FOSL2: variants seen among roughly 807,000 people sequenced by gnomAD.
The protein encoded by FOSL2 is fos-related antigen 2.
FOSL2 carries 3 observed loss-of-function variants against 27.7 expected under a neutral mutation model. The observed-to-expected ratio is 0.11, with a 90% CI of 0.05 to 0.28. The LOEUF (loss-of-function observed/expected upper bound fraction) is 0.28. Ranked by LOEUF, FOSL2 falls within the 10% of genes least tolerant of loss-of-function variation. FOSL2 has a pLI of 1.00. For missense variants in FOSL2, 333 were observed against 445.1 expected (o/e 0.75, Z 2.27); for synonymous variants, 179 against 190.1 (o/e 0.94, Z 0.48).
At chr2:28,411,177 G>A (rs571471723) in intron 3 of FOSL2, among the ~76,000 whole-genome samples, 46 of 151,986 alleles carry the variant, frequency 3.0e-4, no homozygotes, top group African/African-American at 1.1e-3. Context: ...AGAAATTGGA[G>A]TGAAAAAAGG....
At chr2:28,409,452 C>T (rs908195053) in intron 3 of FOSL2, among the ~76,000 whole-genome samples, 3 of 152,330 alleles carry the variant, frequency 2.0e-5, no homozygotes, top group Admixed American at 6.5e-5. Flanking sequence ...CATGGTACCG[C>T]GTGCTGCTCT....
intron 3 of FOSL2, among the ~76,000 whole-genome samples, chr2:28,409,818 G>A (rs1452480082): frequency 6.6e-6 from 1 of 152,182 alleles, no homozygotes; most frequent in African/African-American, 2.4e-5. Flanking sequence ...TCAGCTCACT[G>A]CAACCTCTGC....
chr2:28,392,958 G>A lies in FOSL2; in HGVS notation c.-763G>A. On this transcript the variant is annotated 5_prime_UTR_variant, in exon 1 of 4. Transcript: ENST00000264716. ...GGACAGAAAGAGGGAGAGAGAGAGA[G>A]AGAGAGAGGGAGAGGCGCGGCCGGG... 1.4e-6 allele frequency: 1 copy of A among 693,440 alleles called. No individual in the cohort carries two copies. The highest frequency in any genetic ancestry group is 1.5e-5 in the South Asian group (1 of 66,236). 43.0% of individuals were successfully genotyped at this position (693,440 alleles called of 1,614,324 possible). A position where few individuals can be genotyped will look rare whatever the true frequency, so the allele number is the denominator to read the frequency against.
rs1663710749 is a variant in FOSL2, at chr2:28,393,118, G to A, written c.-603G>A. ...GAGCCGCTGTCCCCCTGGCGCGCTC[G>A]GGGCCGCGGGACGGGCGCACGCCGC... On this transcript the variant is annotated 5_prime_UTR_variant, in exon 1 of 4. Coordinates refer to ENST00000264716, the MANE Select transcript of FOSL2 (RefSeq NM_005253.4). The surrounding 1 kb of genome is among the most constrained non-coding windows in gnomAD (Gnocchi z 4.6). The A allele has an allele frequency of 2.8e-6, 1 of 361,862 alleles. No homozygotes were observed. The highest frequency in any genetic ancestry group is 4.9e-5 in the Admixed American group (1 of 20,354). The allele number at this position is 361,862 out of a possible 1,614,324, so 22.4% of individuals were successfully genotyped here.
intron 1 of FOSL2, among the ~76,000 whole-genome samples, chr2:28,397,719 CCCTT>C (rs1488080323): frequency 1.3e-5 from 2 of 152,150 alleles, no homozygotes; most frequent in Non-Finnish European, 2.9e-5. Context: ...CACTGTCATC[CCCTT>C]CCTTGTTTTT....
In FOSL2 at chr2:28,393,897, CTTTCT is replaced by C; in HGVS notation, c.102+84_102+88del. Reference sequence around the variant, plus strand: ...CTTCTCGCCGCCACTGCCTCTTTTGCTTTCTTTTCTTTTTCTTGGCGAGAAAATAC... The same window carrying C: ...CTTCTCGCCGCCACTGCCTCTTTTGCTTTCTTTTTCTTGGCGAGAAAATAC... On this transcript the variant is annotated intron_variant, in intron 1 of 3. Coordinates refer to ENST00000264716, the MANE Select transcript of FOSL2 (RefSeq NM_005253.4). This position sits in a 1 kb window ranked among gnomAD's most constrained non-coding sequence, Gnocchi z 4.6. The C allele has an allele frequency of 9.9e-7, 1 of 1,006,600 alleles. No homozygotes were observed. The allele number at this position is 1,006,600 out of a possible 1,614,324, so 62.4% of individuals were successfully genotyped here.
chr2:28,407,964 G>A (rs920124245), intron 2 of FOSL2, among the ~76,000 whole-genome samples: 7 of 152,176 alleles, frequency 4.6e-5, no homozygotes, highest in South Asian at 2.1e-4. Context: ...TGTTTGGTTC[G>A]CAGATAAATC....
At position 28,412,304 on chromosome 2, in the gene FOSL2, C is replaced by T. The variant is rs144151205; in HGVS notation, c.837C>T (p.Asn279=). The change falls in exon 4 of 4, where the codon AAC becomes AAT. Residue 279 remains asparagine, a synonymous_variant. Transcript: ENST00000264716. The surrounding 1 kb of genome is among the most constrained non-coding windows in gnomAD (Gnocchi z 7.1). ...STPAVTPGTS[N]LVFTYPSVLE... is the part of the protein sequence containing the mutation. The stretch of plus-strand genomic sequence containing the variant: ...CTGCTGTCACTCCGGGCACCTCGAA[C>T]CTCGTCTTCACCTATCCTAGCGTCC... 5.4e-5 allele frequency: 87 copies of T among 1,614,022 alleles called. No homozygotes were observed. Among genetic ancestry groups the T allele is most frequent in the Non-Finnish European group, 7.1e-5 (84 of 1,180,030 alleles).
Position 28,393,510 on chromosome 2 carries a change from A to G in FOSL2, c.-211A>G, listed in dbSNP as rs1335347624. ...CGCGGCGCTCGCAGAGCCGGAAAGA[A>G]GTGCTGTAAGGGACGCTCGGGGGAC... On this transcript the variant is annotated 5_prime_UTR_variant, in exon 1 of 4. Transcript: ENST00000264716. This position sits in a 1 kb window ranked among gnomAD's most constrained non-coding sequence, Gnocchi z 4.6. The G allele has an allele frequency of 3.8e-6, 2 of 522,176 alleles. No individual in the cohort carries two copies. Among genetic ancestry groups the G allele is most frequent in the Non-Finnish European group, 3.4e-6 (1 of 292,602 alleles). The allele number at this position is 522,176 out of a possible 1,614,324, so 32.3% of individuals were successfully genotyped here.
chr2:28,409,476 C>T (rs1040774732), intron 3 of FOSL2, among the ~76,000 whole-genome samples: 1 of 152,198 alleles, frequency 6.6e-6, no homozygotes, highest in Admixed American at 6.5e-5. Flanking sequence ...GAGTCACTCT[C>T]CCGTGCCGCC....
chr2:28,404,304 T>A lies in FOSL2; in HGVS notation c.300T>A (p.Pro100=). The A allele has an allele frequency of 6.2e-7, 1 of 1,614,130 alleles. No homozygotes were observed. Among genetic ancestry groups the A allele is most frequent in the Non-Finnish European group, 8.5e-7 (1 of 1,180,018 alleles). The change falls in exon 2 of 4, where the codon CCT becomes CCA. Residue 100 remains proline (P), a synonymous_variant. Transcript: ENST00000264716. This position sits in a 1 kb window ranked among gnomAD's most constrained non-coding sequence, Gnocchi z 4.7. ...SVPGHMALPR[P]GVIKTIGTTV... is the part of the protein sequence containing the mutation. ...CTGGACACATGGCCCTCCCAAGACC[T>A]GGCGTGATCAAGACCATTGGCACCA...
At chr2:28,394,137 G>GGGGC (rs1663750381) in intron 1 of FOSL2, among the ~76,000 whole-genome samples, 1 of 80,862 alleles carries the variant, frequency 1.2e-5, no homozygotes. Context: ...CCCAGTGTCT[G>GGGGC]CCCCCCCCCC....
intron 1 of FOSL2, among the ~76,000 whole-genome samples, chr2:28,401,065 A>G (rs940235211): frequency 1.4e-4 from 22 of 152,028 alleles, no homozygotes; most frequent in African/African-American, 5.3e-4. Context: ...AGAGAAATGG[A>G]ATTTAAAAGT....
chr2:28,401,965 A>G (rs1440254655), intron 1 of FOSL2, among the ~76,000 whole-genome samples: 3 of 150,620 alleles, frequency 2.0e-5, no homozygotes. Context: ...TGCACCGGAT[A>G]ACTTTTCTCC....
In FOSL2 at chr2:28,393,881, G is replaced by A. The variant is rs1038623330; in HGVS notation, c.102+59G>A. The A allele has an allele frequency of 3.6e-6, 4 of 1,100,296 alleles. No homozygotes were observed. Among genetic ancestry groups the A allele is most frequent in the South Asian group, 2.8e-5 (2 of 70,764 alleles). 68.2% of individuals were successfully genotyped at this position (1,100,296 alleles called of 1,614,324 possible). A position where few individuals can be genotyped will look rare whatever the true frequency, so the allele number is the denominator to read the frequency against. The stretch of plus-strand genomic sequence containing the variant: ...GGCGGACCCCTGCCCTCTTCTCGCC[G>A]CCACTGCCTCTTTTGCTTTCTTTTC... On this transcript the variant is annotated intron_variant, in intron 1 of 3. Coordinates refer to ENST00000264716, the MANE Select transcript of FOSL2 (RefSeq NM_005253.4). This position sits in a 1 kb window ranked among gnomAD's most constrained non-coding sequence, Gnocchi z 4.6.
At position 28,404,407 on chromosome 2, in the gene FOSL2, C is replaced by A; in HGVS notation, c.354+49C>A. The A allele has an allele frequency of 6.4e-7, 1 of 1,573,854 alleles. No individual in the cohort carries two copies. On this transcript the variant is annotated intron_variant, in intron 2 of 3. Transcript: ENST00000264716. The surrounding 1 kb of genome is among the most constrained non-coding windows in gnomAD (Gnocchi z 4.7). ...GAGCCACGTCAGTGGCTTTCAGAGC[C>A]CCAGAAACACAGAACGGGTTTCTGC...
At chr2:28,409,638 G>C (rs1664151419) in intron 3 of FOSL2, among the ~76,000 whole-genome samples, 1 of 152,236 alleles carries the variant, frequency 6.6e-6, no homozygotes, top group Non-Finnish European at 1.5e-5. Context: ...ACTCTCCCCA[G>C]TGGAATGCTT....
In FOSL2 at chr2:28,393,690, CCT is replaced by C. The variant is rs757859455; in HGVS notation, c.-30_-29del. ...GGCGAGGGCGGGGGAAGAAAAACAC[CCT>C]GTTTCCTCTCCGGCCCCCACCGCGG... On this transcript the variant is annotated 5_prime_UTR_variant, in exon 1 of 4. Coordinates refer to ENST00000264716, the MANE Select transcript of FOSL2 (RefSeq NM_005253.4). The surrounding 1 kb of genome is among the most constrained non-coding windows in gnomAD (Gnocchi z 4.6). The C allele has an allele frequency of 1.2e-5, 18 of 1,526,970 alleles. No homozygotes were observed. Among genetic ancestry groups the C allele is most frequent in the South Asian group, 7.0e-5 (6 of 86,200 alleles). The allele number at this position is 1,526,970 out of a possible 1,614,324, so 94.6% of individuals were successfully genotyped here.
chr2:28,411,261 C>CT (rs1664192372), intron 3 of FOSL2, among the ~76,000 whole-genome samples: 1 of 152,132 alleles, frequency 6.6e-6, no homozygotes, highest in African/African-American at 2.4e-5. Context: ...GTTCTAGGTG[C>CT]TAGGGATACA....
Sources: allele counts gnomAD v4.1 joint callset (sites outside exome capture counted in the v4.1 genomes callset), GRCh38; gene constraint gnomAD v4.1.1; non-coding constraint Gnocchi (gnomAD v3.1); transcripts MANE v1.5; gene names NCBI Gene and HGNC (gene_info 2026-07-23, HGNC 2026-07-21).